ZIM2: variants seen among roughly 807,000 people sequenced by gnomAD.
ZIM2 encodes the protein zinc finger protein 656.
Under a neutral mutation model 38.6 loss-of-function variants are expected in ZIM2, and 14 were observed. The observed-to-expected ratio is 0.36, with a 90% confidence interval of 0.24 to 0.57. ZIM2 has a LOEUF of 0.57. Among genes scored for constraint, ZIM2 ranks in the 20% least tolerant of loss-of-function variants. The pLI is 0.81. For missense variants in ZIM2, 680 were observed against 695.1 expected, an observed-to-expected ratio of 0.98 and a Z score of 0.24; for synonymous variants, 247 against 245.8, an observed-to-expected ratio of 1.00 and a Z score of -0.04.
intron 2 of ZIM2, chr19:56,833,376 G>C (rs2061762071): frequency 2.8e-6 from 1 of 354,350 alleles, no homozygotes; most frequent in Admixed American, 3.9e-5. Context: ...AGCGTGGTGT[G>C]TGGTCTCGTC....
At chr19:56,786,955 G>A (rs914606960) in intron 10 of ZIM2, among the ~76,000 whole-genome samples, 1 of 152,138 alleles carries the variant, frequency 6.6e-6, no homozygotes, top group African/African-American at 2.4e-5. Flanking sequence ...TCGTGCCTCA[G>A]CCTCCCAAGT....
At chr19:56,838,003 A>T (rs1429454681) in intron 1 of ZIM2, among the ~76,000 whole-genome samples, 1 of 152,226 alleles carries the variant, frequency 6.6e-6, no homozygotes, top group East Asian at 1.9e-4. Flanking sequence ...AAGACAAAGC[A>T]GACCCTCCCT....
intron 9 of ZIM2, chr19:56,815,466 A>G (rs754079231): frequency 4.3e-6 from 7 of 1,614,122 alleles, no homozygotes; most frequent in Non-Finnish European, 4.2e-6. Flanking sequence ...GCTTCTCCCT[A>G]TCATGAATCT....
At chr19:56,783,059 A>G (rs193301329) in intron 10 of ZIM2, among the ~76,000 whole-genome samples, 3 of 151,914 alleles carry the variant, frequency 2.0e-5, no homozygotes, top group Admixed American at 1.3e-4. Flanking sequence ...TCTAATCTCT[A>G]TTTGACCCCA....
At position 56,822,782 on chromosome 19, in the gene ZIM2, C is replaced by A. The variant is rs531986471; in HGVS notation, c.161G>T (p.Arg54Leu). Reference sequence around the variant, plus strand: ...TCTTGGGTTCCTGGTGTGGGACCAGCGGTCTCGTGGCTCCATGTCTCTGCT... The same window carrying A: ...TCTTGGGTTCCTGGTGTGGGACCAGAGGTCTCGTGGCTCCATGTCTCTGCT... ...GRSRDMEPRD[R>L]WSHTRNPRSR... is the part of the protein sequence containing the mutation. The change falls in exon 6 of 13, where the codon CGC becomes CTC. Residue 54 changes from arginine to leucine, a missense_variant. By Grantham distance (102) the Arg-to-Leu change is moderately radical. Transcript: ENST00000629319. 1 of 1,614,102 alleles carries A rather than the reference C, an allele frequency of 6.2e-7. No homozygotes were observed.
intron 9 of ZIM2, chr19:56,817,193 C>A: frequency 6.2e-7 from 1 of 1,614,250 alleles, no homozygotes; most frequent in Non-Finnish European, 8.5e-7. Context: ...CTACCACATT[C>A]AAAGGGCTTC....
At chr19:56,820,542 C>T (rs1226186464) in intron 7 of ZIM2, among the ~76,000 whole-genome samples, 1 of 152,194 alleles carries the variant, frequency 6.6e-6, no homozygotes, top group African/African-American at 2.4e-5. Context: ...TGGTTTGGTT[C>T]CCATCCCACA....
At chr19:56,798,460 CT>C (rs1189695286) in intron 9 of ZIM2, 1 of 152,112 alleles carries the variant, frequency 6.6e-6, no homozygotes, top group African/African-American at 2.4e-5. Flanking sequence ...CAAAAATCAA[CT>C]CAAGATGAAT....
chr19:56,824,795 A>G lies in ZIM2; in HGVS notation c.-150-368T>C, dbSNP rs1180014153. On this transcript the variant is annotated intron_variant, in intron 3 of 12. Transcript: ENST00000629319. ...TCCCAGAAGTTGAAGACCAGGCAGCAGTGGAGGCCACCTTACCAGAGGCAT... is the reference window on the plus strand; with the variant it reads ...TCCCAGAAGTTGAAGACCAGGCAGCGGTGGAGGCCACCTTACCAGAGGCAT... 7.9e-6 allele frequency: 6 copies of G among 759,268 alleles called. No homozygotes were observed. The East Asian group carries it at 1.3e-4, about 16-fold the overall frequency. 47.0% of individuals were successfully genotyped at this position (759,268 alleles called of 1,614,324 possible).
intron 10 of ZIM2, 97 bp from the exon 11 acceptor site, chr19:56,782,218 G>C: frequency 6.7e-7 from 1 of 1,485,578 alleles, no homozygotes; most frequent in Non-Finnish European, 9.1e-7. Context: ...CTAATCCAGA[G>C]CCACAGGCAC....
chr19:56,814,349 C>T lies in ZIM2; in HGVS notation c.490+3397G>A. ...TCCTGGGCTGCTGCTGCTGCAGCTG[C>T]TGCTGCTTCATCTTCTTCTTCTTCT... is the stretch of plus-strand genomic sequence containing the variant. On this transcript the variant is annotated intron_variant, in intron 9 of 12. Transcript: ENST00000629319. This position sits in a 1 kb window ranked among gnomAD's most constrained non-coding sequence, Gnocchi z 5.8. The T allele has an allele frequency of 1.2e-6, 2 of 1,614,082 alleles. No homozygotes were observed. Among genetic ancestry groups the T allele is most frequent in the Non-Finnish European group, 1.7e-6 (2 of 1,179,936 alleles).
intron 9 of ZIM2, chr19:56,816,022 A>G: frequency 6.3e-7 from 1 of 1,593,296 alleles, no homozygotes; most frequent in Non-Finnish European, 8.5e-7. Context: ...GAAGCTCTGA[A>G]TGGTAGACTC....
chr19:56,822,214 G>A (rs1280798090), intron 6 of ZIM2, among the ~76,000 whole-genome samples: 1 of 152,172 alleles, frequency 6.6e-6, no homozygotes, highest in African/African-American at 2.4e-5. Flanking sequence ...ATTTTAGGGT[G>A]CCCTGCTGCC....
intron 9 of ZIM2, chr19:56,817,422 T>A: frequency 6.2e-7 from 1 of 1,614,140 alleles, no homozygotes; most frequent in Non-Finnish European, 8.5e-7. Flanking sequence ...TTCTGGGGAA[T>A]CTCTGTGACC....
intron 1 of ZIM2, among the ~76,000 whole-genome samples, chr19:56,839,932 C>A (rs2062789099): frequency 6.6e-6 from 1 of 152,262 alleles, no homozygotes; most frequent in Non-Finnish European, 1.5e-5. Context: ...AAGCCTCAGC[C>A]GCCCTTATTT....
At chr19:56,790,564 A>G (rs1219290760) in intron 9 of ZIM2, among the ~76,000 whole-genome samples, 2 of 152,196 alleles carry the variant, frequency 1.3e-5, no homozygotes, top group African/African-American at 4.8e-5. Flanking sequence ...CTATCACGGT[A>G]TCACAGTGCT....
intron 1 of ZIM2, among the ~76,000 whole-genome samples, chr19:56,838,548 C>G (rs188658185): frequency 6.6e-6 from 1 of 152,326 alleles, no homozygotes; most frequent in East Asian, 1.9e-4. Context: ...TGGAACCACA[C>G]GCATCCTGTG....
chr19:56,792,456 G>A (rs1261652152), intron 9 of ZIM2, among the ~76,000 whole-genome samples: 2 of 149,464 alleles, frequency 1.3e-5, no homozygotes, highest in Non-Finnish European at 3.0e-5. Flanking sequence ...GCTTGAACCC[G>A]GGAGGTGGAG....
chr19:56,813,230 G>A (rs2146112550), intron 9 of ZIM2: 1 of 980,056 alleles, frequency 1.0e-6, no homozygotes, highest in Non-Finnish European at 1.2e-6. Context: ...AAGAATACCA[G>A]GTAAGGTACC....
Sources: gnomAD v4.1 joint callset for allele counts (sites outside exome capture counted in the v4.1 genomes callset) on GRCh38, gnomAD v4.1.1 for gene constraint, Gnocchi (gnomAD v3.1) non-coding constraint, MANE v1.5 for transcripts, NCBI Gene and HGNC (gene_info 2026-07-23, HGNC 2026-07-21) for gene names.